ZNF277: variants seen among roughly 807,000 people sequenced by gnomAD.
ZNF277 encodes zinc finger protein 277.
ZNF277 carries 55 observed loss-of-function variants against 60.7 expected under a neutral mutation model. The observed-to-expected ratio is 0.91, with a 90% CI of 0.73 to 1.13. ZNF277 has a LOEUF of 1.13. Ranked by LOEUF, ZNF277 falls within the 50% of genes most tolerant of loss-of-function variation. ZNF277 has a pLI of 0.00. For synonymous variants in ZNF277, 178 were observed against 179.3 expected, an observed-to-expected ratio of 0.99 and a Z score of 0.06; for missense variants, 510 against 523.0, an observed-to-expected ratio of 0.98 and a Z score of 0.24.
intron 1 of ZNF277, among the ~76,000 whole-genome samples, chr7:112,279,886 A>C (rs1462523311): frequency 4.6e-5 from 7 of 152,100 alleles, no homozygotes; most frequent in African/African-American, 1.7e-4. Flanking sequence ...GCTAAGGAGA[A>C]GGATGGATTG....
intron 1 of ZNF277, among the ~76,000 whole-genome samples, chr7:112,240,213 A>G (rs1790914693): frequency 6.6e-6 from 1 of 152,214 alleles, no homozygotes; most frequent in East Asian, 1.9e-4. Flanking sequence ...CTACAAAACA[A>G]TCAGAAAACA....
At chr7:112,286,721 CCTA>C in intron 1 of ZNF277, 149 bp from the exon 2 acceptor site, 1 of 659,070 alleles carries the variant, frequency 1.5e-6, no homozygotes, top group East Asian at 2.8e-5. Flanking sequence ...AATAAAGTAT[CCTA>C]CTCTCCAGCA....
rs576589642 is a variant in ZNF277 at position 112,258,963 on chromosome 7, A to G, written c.92-27910A>G. On this transcript the variant is annotated intron_variant, in intron 1 of 11. Coordinates refer to ENST00000361822, the MANE Select transcript of ZNF277 (RefSeq NM_021994.3). ...AATTGATTTTCATTTTAATCTTTGAAAAGCTAAATTATTAATACTTTGCTT... is the reference window on the plus strand; with the variant it reads ...AATTGATTTTCATTTTAATCTTTGAGAAGCTAAATTATTAATACTTTGCTT... 2.6e-5 allele frequency among the ~76,000 whole-genome samples: 4 copies of G among 152,102 alleles called. No homozygotes were observed. The East Asian group carries it at 7.7e-4, about 29-fold the overall frequency.
At chr7:112,275,450 A>G (rs554052154) in intron 1 of ZNF277, among the ~76,000 whole-genome samples, 1 of 152,204 alleles carries the variant, frequency 6.6e-6, no homozygotes. Context: ...TTCATCCTTC[A>G]TTTCATTTCC....
chr7:112,274,436 C>T (rs536057819), intron 1 of ZNF277, among the ~76,000 whole-genome samples: 5 of 152,292 alleles, frequency 3.3e-5, no homozygotes, highest in African/African-American at 1.2e-4. Flanking sequence ...TGATTAGAAG[C>T]ATGAGCCACA....
chr7:112,269,210 G>GTTTTTTTT (rs55937027), intron 1 of ZNF277, among the ~76,000 whole-genome samples: 1 of 146,322 alleles, frequency 6.8e-6, no homozygotes. Flanking sequence ...GATTTTTTTT[G>GTTTTTTTT]TTTTTTTTTT....
chr7:112,333,919 T>C (rs1378260843), intron 7 of ZNF277, among the ~76,000 whole-genome samples: 1 of 152,214 alleles, frequency 6.6e-6, no homozygotes. Context: ...ACAGACTGTT[T>C]AACATCGAGG....
At chr7:112,319,728 A>C (rs1279674515) in intron 5 of ZNF277, among the ~76,000 whole-genome samples, 1 of 149,982 alleles carries the variant, frequency 6.7e-6, no homozygotes, top group African/African-American at 2.4e-5. Flanking sequence ...AAAAGAGTTT[A>C]ATTGAGGCAT....
chr7:112,231,989 C>T (rs767640711), intron 1 of ZNF277, among the ~76,000 whole-genome samples: 44 of 148,042 alleles, frequency 3.0e-4, no homozygotes, highest in African/African-American at 1.1e-3. Context: ...CCAATTACCT[C>T]CCTTGGCGAA....
intron 2 of ZNF277, among the ~76,000 whole-genome samples, chr7:112,291,973 A>C (rs1381318677): frequency 2.0e-5 from 3 of 152,148 alleles, no homozygotes; most frequent in Non-Finnish European, 4.4e-5. Flanking sequence ...AGTTTTGGTT[A>C]GGAAGAGAAC....
intron 4 of ZNF277, among the ~76,000 whole-genome samples, 162 bp from the exon 5 acceptor site, chr7:112,318,020 G>A (rs960162139): frequency 3.3e-5 from 5 of 152,034 alleles, no homozygotes; most frequent in African/African-American, 9.7e-5. Flanking sequence ...GGACAGACTT[G>A]GAGTTTAATG....
At position 112,285,648 on chromosome 7, in the gene ZNF277, C is replaced by A. The variant is rs530389534; in HGVS notation, c.92-1225C>A. On this transcript the variant is annotated intron_variant, in intron 1 of 11. Coordinates refer to ENST00000361822, the MANE Select transcript of ZNF277 (RefSeq NM_021994.3). ...ACGGGGTTTTACCATGTTGGCCAGG[C>A]TGGTCTCAAACTCCTAACCTCATGA... is the stretch of plus-strand genomic sequence containing the variant. Among the ~76,000 whole-genome samples the A allele has an allele frequency of 4.0e-5, 6 of 151,408 alleles. No individual in the cohort carries two copies. The East Asian group carries it at 9.8e-4, about 25-fold the overall frequency.
chr7:112,221,256 G>C (rs543199029), intron 1 of ZNF277, among the ~76,000 whole-genome samples: 1 of 152,174 alleles, frequency 6.6e-6, no homozygotes, highest in East Asian at 1.9e-4. Context: ...CATGACCCAC[G>C]GCTTCTAATA....
chr7:112,259,908 A>T (rs1168089325), intron 1 of ZNF277, among the ~76,000 whole-genome samples: 3 of 152,216 alleles, frequency 2.0e-5, no homozygotes, highest in Non-Finnish European at 4.4e-5. Context: ...ATTAGGAGAG[A>T]AAAACTGTTA....
intron 2 of ZNF277, among the ~76,000 whole-genome samples, chr7:112,294,379 CCTT>C (rs746240579): frequency 3.9e-5 from 6 of 152,130 alleles, no homozygotes; most frequent in Non-Finnish European, 5.9e-5. Flanking sequence ...TATGCACTTG[CCTT>C]CTTCTGAGAT....
intron 4 of ZNF277, among the ~76,000 whole-genome samples, chr7:112,310,056 G>C (rs895643977): frequency 2.6e-5 from 4 of 152,038 alleles, no homozygotes; most frequent in Non-Finnish European, 5.9e-5. Flanking sequence ...TTGGTGTCCA[G>C]AGTTTTTATT....
intron 4 of ZNF277, among the ~76,000 whole-genome samples, chr7:112,304,430 T>A (rs890810331): frequency 6.6e-6 from 1 of 152,120 alleles, no homozygotes. Context: ...TAGCTTTTTA[T>A]TTGACCCCTG....
At chr7:112,227,848 T>C (rs1822215421) in intron 1 of ZNF277, among the ~76,000 whole-genome samples, 1 of 152,098 alleles carries the variant, frequency 6.6e-6, no homozygotes, top group Non-Finnish European at 1.5e-5. Context: ...TCCTATTTAG[T>C]TATCTGGAGA....
chr7:112,318,541 T>C (rs1241294709), intron 5 of ZNF277, among the ~76,000 whole-genome samples: 4 of 152,116 alleles, frequency 2.6e-5, no homozygotes, highest in Admixed American at 2.6e-4. Context: ...CAAGACCATA[T>C]GCAGCAAACT....
Sources: gnomAD v4.1 joint callset for allele counts (sites outside exome capture counted in the v4.1 genomes callset) on GRCh38, gnomAD v4.1.1 for gene constraint, MANE v1.5 for transcripts, NCBI Gene and HGNC (gene_info 2026-07-23, HGNC 2026-07-21) for gene names.